The following ADAMTSL1 variants were observed in gnomAD, a reference collection of about 807,000 sequenced individuals.
The protein encoded by ADAMTSL1 is ADAMTS-like protein 1.
Under a neutral mutation model 201.8 loss-of-function variants are expected in ADAMTSL1, and 126 were observed. That is an observed-to-expected ratio of 0.62 (90% CI 0.54 to 0.72). ADAMTSL1 has a LOEUF of 0.72. ADAMTSL1 is among the 30% of genes least tolerant of loss of function. The pLI is 0.00. For synonymous variants in ADAMTSL1, 1,121 were observed against 903.4 expected, an observed-to-expected ratio of 1.24 and a Z score of -4.32; for missense variants, 2,679 against 2,277.8, an observed-to-expected ratio of 1.18 and a Z score of -3.59.
chr9:18,887,955 C>T lies in ADAMTSL1; in HGVS notation c.4374C>T (p.Asn1458=). The T allele has an allele frequency of 6.2e-7, 1 of 1,614,008 alleles. No individual in the cohort carries two copies. The highest frequency in any genetic ancestry group is 8.5e-7 in the Non-Finnish European group (1 of 1,179,900). Residue 1458 remains asparagine (N), a synonymous_variant, in exon 24 of 29, where the codon AAC becomes AAT. Coordinates refer to ENST00000380548, the MANE Select transcript of ADAMTSL1 (RefSeq NM_001040272.6). The stretch of plus-strand genomic sequence containing the variant: ...CTGGACAGATCCTTCAAGTTGCAAA[C>T]CTTAGCGGTGGGTCTCAAGGGGAAT... ...LAAGQILQVA[N]LSGGSQGEFS...
At chr9:18,136,486 C>T (rs143017442) in intron 1 of ADAMTSL1, among the ~76,000 whole-genome samples, 1 of 152,092 alleles carries the variant, frequency 6.6e-6, no homozygotes, top group Non-Finnish European at 1.5e-5. Flanking sequence ...GGAGAGATAA[C>T]TGTGTAAACA....
At chr9:18,569,485 C>T (rs1303778486) in intron 3 of ADAMTSL1, among the ~76,000 whole-genome samples, 1 of 152,088 alleles carries the variant, frequency 6.6e-6, no homozygotes, top group Non-Finnish European at 1.5e-5. Context: ...AGCTGTCAAG[C>T]CACAGGTATA....
intron 1 of ADAMTSL1, among the ~76,000 whole-genome samples, chr9:17,932,870 T>C (rs554179432): frequency 6.6e-6 from 1 of 152,180 alleles, no homozygotes; most frequent in Non-Finnish European, 1.5e-5. Flanking sequence ...TCCTCTTCTA[T>C]CATGACCAGA....
At chr9:18,397,533 A>G (rs932331003) in intron 2 of ADAMTSL1, among the ~76,000 whole-genome samples, 3 of 152,166 alleles carry the variant, frequency 2.0e-5, no homozygotes, top group Non-Finnish European at 4.4e-5. Flanking sequence ...GTGAAAAGAG[A>G]CAGCAAGAAA....
At chr9:18,282,038 G>T (rs1832810292) in intron 2 of ADAMTSL1, among the ~76,000 whole-genome samples, 1 of 152,080 alleles carries the variant, frequency 6.6e-6, no homozygotes, top group African/African-American at 2.4e-5. Flanking sequence ...GGTGGGGATT[G>T]GGCTTCTAGT....
At chr9:18,489,869 C>T (rs1822182606) in intron 1 of ADAMTSL1, among the ~76,000 whole-genome samples, 1 of 152,204 alleles carries the variant, frequency 6.6e-6, no homozygotes, top group African/African-American at 2.4e-5. Context: ...GGTAACCTGG[C>T]TTTGTCTCCT....
At chr9:18,740,049 G>A (rs957162802) in intron 15 of ADAMTSL1, among the ~76,000 whole-genome samples, 53 of 152,146 alleles carry the variant, frequency 3.5e-4, no homozygotes, top group African/African-American at 1.2e-3. Flanking sequence ...CATGGGAAAT[G>A]GCTTCATCTT....
chr9:18,084,737 T>C (rs911600763), intron 1 of ADAMTSL1, among the ~76,000 whole-genome samples: 4 of 143,396 alleles, frequency 2.8e-5, no homozygotes, highest in Admixed American at 2.8e-4. Flanking sequence ...CTTTCATCTG[T>C]CCAAGTGCTA....
intron 2 of ADAMTSL1, among the ~76,000 whole-genome samples, chr9:18,460,336 C>T (rs535852250): frequency 6.6e-6 from 1 of 152,310 alleles, no homozygotes; most frequent in South Asian, 2.1e-4. Context: ...AAATCCCTGT[C>T]TGTTTGCTGC....
At chr9:17,985,072 T>G (rs1364974107) in intron 1 of ADAMTSL1, among the ~76,000 whole-genome samples, 2 of 152,142 alleles carry the variant, frequency 1.3e-5, no homozygotes, top group African/African-American at 4.8e-5. Flanking sequence ...AAGATGGAAT[T>G]AAGTTAGTTC....
chr9:18,776,403 A>G (rs992342574), intron 18 of ADAMTSL1, among the ~76,000 whole-genome samples: 1 of 152,206 alleles, frequency 6.6e-6, no homozygotes, highest in Non-Finnish European at 1.5e-5. Context: ...TTGTTTAAAA[A>G]TTATTTTAAT....
At chr9:18,543,554 C>T (rs1406298591) in intron 3 of ADAMTSL1, among the ~76,000 whole-genome samples, 4 of 152,118 alleles carry the variant, frequency 2.6e-5, no homozygotes, top group Non-Finnish European at 5.9e-5. Context: ...TGGAGGTTGA[C>T]TTTGGTTCAA....
intron 4 of ADAMTSL1, among the ~76,000 whole-genome samples, chr9:18,620,424 C>G (rs1436093384): frequency 6.6e-6 from 1 of 152,056 alleles, no homozygotes; most frequent in African/African-American, 2.4e-5. Flanking sequence ...CATAGCAGGT[C>G]CTCAATAAAT....
At position 18,718,059 on chromosome 9, in the gene ADAMTSL1, T is replaced by A. The variant is rs191407127; in HGVS notation, c.1877-3477T>A. 1.8e-3 allele frequency: 2,671 copies of A among 1,510,940 alleles called. 28 individuals are homozygous for A. The Admixed American group carries it at 0.024, about 13-fold the overall frequency. The allele number at this position is 1,510,940 out of a possible 1,614,324, so 93.6% of individuals were successfully genotyped here. A position where few individuals can be genotyped will look rare whatever the true frequency, so the allele number is the denominator to read the frequency against. ...ATCTGCCGCACTAGGTCATAAAAGA[T>A]CTCATTAACATTTATTTTGAATTTT... On this transcript the variant is annotated intron_variant, in intron 14 of 28. Transcript: ENST00000380548.
chr9:17,906,956 G>A (rs1384530990), intron 1 of ADAMTSL1: 3 of 152,316 alleles, frequency 2.0e-5, no homozygotes, highest in African/African-American at 4.8e-5. Flanking sequence ...GTCCCTCCCG[G>A]GGACTCTGCT....
intron 2 of ADAMTSL1, among the ~76,000 whole-genome samples, chr9:18,217,234 A>G (rs1231424114): frequency 3.9e-5 from 6 of 152,158 alleles, no homozygotes; most frequent in Admixed American, 3.9e-4. Flanking sequence ...GTGTTTTTAC[A>G]TGTTCTATCA....
At chr9:18,636,772 G>T (rs997788174) in intron 6 of ADAMTSL1, among the ~76,000 whole-genome samples, 1 of 152,100 alleles carries the variant, frequency 6.6e-6, no homozygotes, top group African/African-American at 2.4e-5. Flanking sequence ...AGGATGGGAG[G>T]GGATATGGTA....
intron 1 of ADAMTSL1, among the ~76,000 whole-genome samples, chr9:18,054,385 A>G (rs1339294239): frequency 6.6e-6 from 1 of 152,350 alleles, no homozygotes; most frequent in South Asian, 2.1e-4. Flanking sequence ...GCCTAACAAA[A>G]TGGATTGTAG....
rs563393105 is a variant in ADAMTSL1 at position 18,262,706 on chromosome 9, A to G, written c.207+98725A>G. Among the ~76,000 whole-genome samples the G allele has an allele frequency of 6.6e-5, 10 of 152,364 alleles. No homozygotes were observed. The South Asian group carries it at 1.9e-3, about 28-fold the overall frequency. On this transcript the variant is annotated intron_variant, in intron 2 of 29. Coordinates refer to the ADAMTSL1 transcript ENST00000680146. ...AAAAAATCCTCCAAAAATATTTCAA[A>G]TAGGAAAAGACCAAGGGAATTCCAG...
Sources: allele counts gnomAD v4.1 joint callset (sites outside exome capture counted in the v4.1 genomes callset), GRCh38; gene constraint gnomAD v4.1.1; transcripts MANE v1.5; gene names NCBI Gene and HGNC (gene_info 2026-07-23, HGNC 2026-07-21).